The following NRG1 variants were observed in gnomAD, a reference collection of about 807,000 sequenced individuals.
NRG1 encodes neuregulin 1.
Under a neutral mutation model 63.8 loss-of-function variants are expected in NRG1, and 18 were observed. The observed-to-expected ratio is 0.28, with a 90% CI of 0.19 to 0.42. NRG1 has a LOEUF of 0.42. NRG1 is among the 10% of genes least tolerant of loss of function. The pLI, the probability that NRG1 is intolerant of heterozygous loss-of-function variation, is 1.00. For synonymous variants in NRG1, 302 were observed against 301.3 expected (o/e 1.00, Z -0.02); for missense variants, 762 against 814.7 (o/e 0.94, Z 0.79).
chr8:32,742,612 A>G lies in NRG1; in HGVS notation c.633-63A>G. The G allele has an allele frequency of 1.5e-6, 2 of 1,357,342 alleles. No individual in the cohort carries two copies. Among genetic ancestry groups the G allele is most frequent in the Non-Finnish European group, 1.1e-6 (1 of 951,418 alleles). 84.1% of individuals were successfully genotyped at this position (1,357,342 alleles called of 1,614,324 possible). A position where few individuals can be genotyped will look rare whatever the true frequency, so the allele number is the denominator to read the frequency against. ...GACACTGAAGGAGCTTCTTTCTAGC[A>G]TATATTCACCTCTTCTCTTTTTCTC... On this transcript the variant is annotated intron_variant, in intron 6 of 11. Coordinates refer to ENST00000356819, the Ensembl canonical transcript of NRG1. The surrounding 1 kb of genome is among the most constrained non-coding windows in gnomAD (Gnocchi z 4.2).
intron 1 of NRG1, among the ~76,000 whole-genome samples, chr8:32,433,714 T>C (rs1475488446): frequency 6.6e-6 from 1 of 152,108 alleles, no homozygotes; most frequent in African/African-American, 2.4e-5. Context: ...TCTAAATGGA[T>C]GTTAGAATTC....
intron 1 of NRG1, among the ~76,000 whole-genome samples, chr8:32,343,038 G>A (rs970997): frequency 0.52 from 78,988 of 152,004 alleles, 21,411 homozygotes; most frequent in Non-Finnish European, 0.61. Flanking sequence ...TAGACATGAC[G>A]GTTTTACAAT....
intron 1 of NRG1, among the ~76,000 whole-genome samples, chr8:31,887,278 G>A (rs1490337773): frequency 6.6e-6 from 1 of 152,120 alleles, no homozygotes; most frequent in Non-Finnish European, 1.5e-5. Flanking sequence ...AGAAAAGGCA[G>A]AATTAGAGTA....
chr8:31,910,975 A>C (rs1832895545), intron 1 of NRG1, among the ~76,000 whole-genome samples: 1 of 152,128 alleles, frequency 6.6e-6, no homozygotes, highest in South Asian at 2.1e-4. Context: ...AGTGTGAAGT[A>C]CTTTCTTCAC....
At chr8:32,017,988 C>A (rs1405787789) in intron 1 of NRG1, among the ~76,000 whole-genome samples, 1 of 152,118 alleles carries the variant, frequency 6.6e-6, no homozygotes, top group Non-Finnish European at 1.5e-5. Flanking sequence ...TTTTGGTGAC[C>A]AGTCTCCATC....
chr8:32,230,141 C>A (rs1486594548), intron 1 of NRG1, among the ~76,000 whole-genome samples: 2 of 152,092 alleles, frequency 1.3e-5, no homozygotes, highest in African/African-American at 4.8e-5. Context: ...AGTCTGATAC[C>A]TTTCCTTTCA....
intron 1 of NRG1, among the ~76,000 whole-genome samples, chr8:31,882,630 G>A (rs768565626): frequency 3.9e-5 from 6 of 152,112 alleles, no homozygotes; most frequent in Non-Finnish European, 7.4e-5. Flanking sequence ...TGTAGATGCC[G>A]TTAAGAACAC....
intron 1 of NRG1, among the ~76,000 whole-genome samples, chr8:31,729,650 C>T (rs916260150): frequency 2.7e-4 from 41 of 152,170 alleles, no homozygotes; most frequent in African/African-American, 9.9e-4. Context: ...TTTACTTATG[C>T]CCCATCTTTT....
At chr8:32,455,052 T>C (rs1236569855) in intron 1 of NRG1, among the ~76,000 whole-genome samples, 2 of 152,172 alleles carry the variant, frequency 1.3e-5, no homozygotes, top group African/African-American at 4.8e-5. Context: ...CCAAGGTGTG[T>C]AGTAAGCTGT....
chr8:32,501,491 T>C (rs1827850044), intron 1 of NRG1, among the ~76,000 whole-genome samples: 1 of 152,190 alleles, frequency 6.6e-6, no homozygotes, highest in Admixed American at 6.5e-5. Context: ...CCAGGGGCCC[T>C]CTGGGAAATT....
chr8:32,522,815 T>A (rs1830462411), intron 1 of NRG1, among the ~76,000 whole-genome samples: 1 of 152,100 alleles, frequency 6.6e-6, no homozygotes, highest in South Asian at 2.1e-4. Flanking sequence ...TGCCTTTTTT[T>A]TTTTTTTTGA....
chr8:32,065,472 T>C (rs1345928986), intron 1 of NRG1, among the ~76,000 whole-genome samples: 12 of 152,140 alleles, frequency 7.9e-5, no homozygotes, highest in Non-Finnish European at 1.3e-4. Context: ...TTTGTCCTTG[T>C]GATAGTTTGC....
chr8:32,396,268 G>C (rs1424177892), intron 1 of NRG1, among the ~76,000 whole-genome samples: 5 of 152,134 alleles, frequency 3.3e-5, no homozygotes, highest in African/African-American at 1.2e-4. Context: ...CCAAAATAAA[G>C]TTCTTTAGAA....
intron 5 of NRG1, among the ~76,000 whole-genome samples, chr8:32,621,768 A>T (rs920805124): frequency 2.1e-4 from 32 of 152,238 alleles, no homozygotes; most frequent in Admixed American, 2.0e-3. Context: ...ACTCATGGTT[A>T]TCATGAAAAC....
intron 1 of NRG1, among the ~76,000 whole-genome samples, chr8:32,586,739 C>A (rs1841679432): frequency 6.6e-6 from 1 of 152,186 alleles, no homozygotes; most frequent in South Asian, 2.1e-4. Flanking sequence ...TAAATGGAAA[C>A]AATCATTAGG....
chr8:31,780,151 T>G (rs1819541568), intron 1 of NRG1, among the ~76,000 whole-genome samples: 1 of 152,236 alleles, frequency 6.6e-6, no homozygotes, highest in Non-Finnish European at 1.5e-5. Context: ...AATTTTTAAA[T>G]GATTTCCATG....
At chr8:32,469,823 A>C (rs1028222010) in intron 1 of NRG1, among the ~76,000 whole-genome samples, 3 of 152,122 alleles carry the variant, frequency 2.0e-5, no homozygotes, top group African/African-American at 7.2e-5. Flanking sequence ...GAATATTGGG[A>C]AATGTTTAAT....
chr8:31,967,257 C>T (rs1363331827), intron 1 of NRG1, among the ~76,000 whole-genome samples: 1 of 152,114 alleles, frequency 6.6e-6, no homozygotes, highest in Non-Finnish European at 1.5e-5. Context: ...CTCCTTCTCC[C>T]CTCCCTCCTC....
chr8:31,911,415 C>T (rs1427126066), intron 1 of NRG1, among the ~76,000 whole-genome samples: 1 of 152,098 alleles, frequency 6.6e-6, no homozygotes, highest in Non-Finnish European at 1.5e-5. Flanking sequence ...TAAAAAAGAA[C>T]AGGATCATCT....
Sources: allele counts gnomAD v4.1 joint callset (sites outside exome capture counted in the v4.1 genomes callset), GRCh38; gene constraint gnomAD v4.1.1; non-coding constraint Gnocchi (gnomAD v3.1); transcripts MANE v1.5; gene names NCBI Gene and HGNC (gene_info 2026-07-23, HGNC 2026-07-21).